The following HECW2 variants were observed in gnomAD, a reference collection of about 807,000 sequenced individuals.
HECW2 encodes the protein HECT, C2 and WW domain containing E3 ubiquitin protein ligase 2, also known as E3 ubiquitin-protein ligase HECW2.
HECW2 carries 61 observed loss-of-function variants against 175.2 expected under a neutral mutation model. The ratio of observed to expected loss-of-function variants is 0.35; its 90% CI spans 0.28 to 0.43. The LOEUF is 0.43. Among genes scored for constraint, HECW2 ranks in the 20% least tolerant of loss-of-function variants. The pLI is 1.00. For missense variants in HECW2, 1,524 were observed against 2,000.5 expected, an observed-to-expected ratio of 0.76 and a Z score of 4.54; for synonymous variants, 671 against 731.0, an observed-to-expected ratio of 0.92 and a Z score of 1.32.
chr2:196,286,404 A>ATATATATATATATATATAT (rs1224813893), intron 14 of HECW2, among the ~76,000 whole-genome samples: 9 of 151,340 alleles, frequency 5.9e-5, no homozygotes, highest in African/African-American at 1.2e-4. Context: ...ATATATATTT[A>ATATATATATATATATATAT]AATCCATGCA....
intron 1 of HECW2, among the ~76,000 whole-genome samples, chr2:196,572,242 G>A (rs1201946711): frequency 6.6e-6 from 1 of 152,090 alleles, no homozygotes; most frequent in East Asian, 1.9e-4. Context: ...GAGTGCAGTG[G>A]CATGATCTCG....
At chr2:196,324,823 T>C (rs1692085064) in intron 6 of HECW2, among the ~76,000 whole-genome samples, 157 bp downstream of exon 6, 1 of 152,176 alleles carries the variant, frequency 6.6e-6, no homozygotes, top group African/African-American at 2.4e-5. Flanking sequence ...GACCTGGCTC[T>C]GGAGAGATGG....
chr2:196,439,207 G>A (rs916574508), intron 1 of HECW2, among the ~76,000 whole-genome samples: 1 of 152,146 alleles, frequency 6.6e-6, no homozygotes, highest in Non-Finnish European at 1.5e-5. Context: ...TATTTTAGTA[G>A]GCAAACATTA....
intron 7 of HECW2, among the ~76,000 whole-genome samples, chr2:196,322,019 T>C (rs111702576): frequency 2.0e-5 from 3 of 152,368 alleles, no homozygotes; most frequent in African/African-American, 7.2e-5. Flanking sequence ...TGAATGTATA[T>C]GTCTAGGAGC....
In HECW2 at chr2:196,198,731, T is replaced by C. The variant is rs376542920; in HGVS notation, c.*2546A>G. 3.2e-4 allele frequency: 49 copies of C among 152,360 alleles called. No homozygotes were observed. Among genetic ancestry groups the C allele is most frequent in the African/African-American group, 1.1e-3 (47 of 41,584 alleles). 9.4% of individuals were successfully genotyped at this position (152,360 alleles called of 1,614,324 possible). ...AGAAAATATTTATGGATATTTCTAA[T>C]TGTAGAGTACATGAAAGTCTAATTT... On this transcript the variant is annotated 3_prime_UTR_variant, in exon 29 of 29. Coordinates refer to ENST00000644978, the MANE Select transcript of HECW2 (RefSeq NM_001348768.2).
Position 196,225,920 on chromosome 2 carries a change from G to A in HECW2, c.3918-50C>T, listed in dbSNP as rs753922743. 6.8e-6 allele frequency: 8 copies of A among 1,184,852 alleles called. No individual in the cohort carries two copies. The South Asian group carries it at 8.6e-5, about 13-fold the overall frequency. The allele number at this position is 1,184,852 out of a possible 1,614,324, so 73.4% of individuals were successfully genotyped here. A position where few individuals can be genotyped will look rare whatever the true frequency, so the allele number is the denominator to read the frequency against. On this transcript the variant is annotated intron_variant, in intron 22 of 28. Transcript: ENST00000644978. ...CTTACATGTCATGGAGCAGTTTCTA[G>A]GTGGTTCCATATGCTTTCTAGAATG...
intron 2 of HECW2, among the ~76,000 whole-genome samples, chr2:196,385,117 G>T (rs149131612): frequency 5.3e-5 from 8 of 152,048 alleles, no homozygotes; most frequent in African/African-American, 1.9e-4. Context: ...TTGCTATGTT[G>T]CCCAGGTTGG....
At chr2:196,349,153 C>T (rs975163429) in intron 2 of HECW2, among the ~76,000 whole-genome samples, 16 of 152,194 alleles carry the variant, frequency 1.1e-4, no homozygotes, top group African/African-American at 3.9e-4. Context: ...AACCTAGACA[C>T]CTGTCAGCTT....
At chr2:196,218,382 T>C (rs538200422) in intron 26 of HECW2, 1 of 152,332 alleles carries the variant, frequency 6.6e-6, no homozygotes, top group South Asian at 2.1e-4. Context: ...TCAGCATTTT[T>C]CTTCCCCCTC....
intron 2 of HECW2, among the ~76,000 whole-genome samples, chr2:196,422,320 G>A (rs899803562): frequency 3.3e-5 from 5 of 152,102 alleles, no homozygotes; most frequent in Admixed American, 3.3e-4. Context: ...CTTGCAGTTA[G>A]ACAAAATTTT....
intron 1 of HECW2, among the ~76,000 whole-genome samples, chr2:196,522,840 C>T (rs1464667929): frequency 6.6e-6 from 1 of 152,068 alleles, no homozygotes; most frequent in Non-Finnish European, 1.5e-5. Flanking sequence ...TGATCTATAT[C>T]TCAGTTTTGG....
intron 1 of HECW2, among the ~76,000 whole-genome samples, chr2:196,510,820 T>C (rs943680868): frequency 1.3e-5 from 2 of 152,192 alleles, no homozygotes; most frequent in Non-Finnish European, 2.9e-5. Flanking sequence ...AATTTAATGG[T>C]GACTTATTTT....
intron 14 of HECW2, among the ~76,000 whole-genome samples, chr2:196,285,327 T>C (rs774871394): frequency 4.6e-5 from 7 of 152,210 alleles, no homozygotes; most frequent in Non-Finnish European, 7.3e-5. Flanking sequence ...TAAAAGGCTA[T>C]ATAAACAAAA....
intron 17 of HECW2, among the ~76,000 whole-genome samples, chr2:196,259,377 A>G (rs1689192264): frequency 6.6e-6 from 1 of 152,250 alleles, no homozygotes; most frequent in South Asian, 2.1e-4. Context: ...GTTCACATGA[A>G]AAATTCCCTA....
intron 10 of HECW2, chr2:196,315,856 A>T (rs1691675993): frequency 6.6e-6 from 1 of 152,186 alleles, no homozygotes; most frequent in Non-Finnish European, 1.5e-5. Flanking sequence ...GGAAGACGTG[A>T]TTTATCAACA....
At chr2:196,269,814 G>A (rs1442737902) in intron 17 of HECW2, among the ~76,000 whole-genome samples, 1 of 152,138 alleles carries the variant, frequency 6.6e-6, no homozygotes, top group African/African-American at 2.4e-5. Context: ...TCAAAATAGT[G>A]TCAAGACCAA....
At chr2:196,240,339 C>T (rs989624451) in intron 21 of HECW2, 110 bp downstream of exon 21, 3 of 708,494 alleles carry the variant, frequency 4.2e-6, no homozygotes, top group Non-Finnish European at 6.9e-6. Flanking sequence ...ATGAGAACAG[C>T]ACTTCCTGGC....
At chr2:196,582,241 T>C (rs1690813385) in intron 1 of HECW2, among the ~76,000 whole-genome samples, 1 of 152,142 alleles carries the variant, frequency 6.6e-6, no homozygotes, top group Admixed American at 6.6e-5. Context: ...TCCAGCAAAA[T>C]TCAATTTCGG....
chr2:196,362,163 C>G (rs1453352327), intron 2 of HECW2: 2 of 985,314 alleles, frequency 2.0e-6, no homozygotes, highest in African/African-American at 3.5e-5. Context: ...TTATCACTGT[C>G]CAGGCATCCT....
Sources: gnomAD v4.1 joint callset for allele counts (sites outside exome capture counted in the v4.1 genomes callset) on GRCh38, gnomAD v4.1.1 for gene constraint, MANE v1.5 for transcripts, NCBI Gene and HGNC (gene_info 2026-07-23, HGNC 2026-07-21) for gene names.